PPAT: variants seen among roughly 807,000 people sequenced by gnomAD.
PPAT encodes the protein amidophosphoribosyltransferase.
Under a neutral mutation model 60.2 loss-of-function variants are expected in PPAT, and 20 were observed. The observed-to-expected ratio is 0.33, with a 90% CI of 0.23 to 0.48. PPAT has a LOEUF of 0.48. Ranked by LOEUF, PPAT falls within the 20% of genes least tolerant of loss-of-function variation. PPAT has a pLI of 0.99. For synonymous variants in PPAT, 194 were observed against 215.1 expected (o/e 0.90, Z 0.86); for missense variants, 349 against 629.6 (o/e 0.55, Z 4.77).
chr4:56,433,404 A>T (rs1013174475), intron 1 of PPAT, among the ~76,000 whole-genome samples: 81 of 149,570 alleles, frequency 5.4e-4, no homozygotes, highest in Non-Finnish European at 7.1e-4. Context: ...CATTAAAAAA[A>T]AAAAAAAAGA....
intron 5 of PPAT, among the ~76,000 whole-genome samples, chr4:56,402,486 A>C (rs1716136666): frequency 6.6e-6 from 1 of 152,164 alleles, no homozygotes; most frequent in African/African-American, 2.4e-5. Flanking sequence ...GCCAATTAAG[A>C]CAGGAAAAAA....
rs1369181667 is a variant in PPAT, at chr4:56,395,555, A to G, written c.1358-7T>C. On this transcript the variant is annotated splice_polypyrimidine_tract_variant and splice_region_variant and intron_variant, in intron 10 of 10. Transcript: ENST00000264220. ...TACACAACACTGTTTGCTCCTAAAG[A>G]AAGAGGGAAAAATAAAAATGTAATA... 6.6e-7 allele frequency: 1 copy of G among 1,507,656 alleles called. No homozygotes were observed. Among genetic ancestry groups the G allele is most frequent in the Non-Finnish European group, 8.8e-7 (1 of 1,134,382 alleles). 93.4% of individuals were successfully genotyped at this position (1,507,656 alleles called of 1,614,324 possible). A position where few individuals can be genotyped will look rare whatever the true frequency, so the allele number is the denominator to read the frequency against.
At chr4:56,403,488 G>C (rs1716171200) in intron 3 of PPAT, 87 bp from the exon 4 acceptor site, 1 of 585,980 alleles carries the variant, frequency 1.7e-6, no homozygotes, top group African/African-American at 2.0e-5. Context: ...TGAAAATAAG[G>C]CATTCTGTGG....
At chr4:56,401,284 A>G (rs1384802713) in intron 7 of PPAT, 46 bp downstream of exon 7, 1 of 1,496,506 alleles carries the variant, frequency 6.7e-7, no homozygotes, top group Non-Finnish European at 9.0e-7. Flanking sequence ...TCAAGGAGAT[A>G]GCTAAAACAT....
chr4:56,398,767 C>T (rs1159123309), intron 9 of PPAT, among the ~76,000 whole-genome samples: 1 of 151,942 alleles, frequency 6.6e-6, no homozygotes, highest in African/African-American at 2.4e-5. Context: ...TGTAGTTAGT[C>T]TTTGAATAAA....
chr4:56,399,081 T>C (rs1716052895), intron 9 of PPAT, 98 bp downstream of exon 9: 1 of 1,017,474 alleles, frequency 9.8e-7, no homozygotes, highest in African/African-American at 1.6e-5. Flanking sequence ...TAATTTATTA[T>C]ATTGAACATC....
In PPAT at chr4:56,393,686, A is replaced by G. The variant is rs1463487328; in HGVS notation, c.*1666T>C. ...CATCTCAGTAAAACAAAAACTACAGAAAACGCAAAGTAAAATCAGAGATTT... is the reference window on the plus strand; with the variant it reads ...CATCTCAGTAAAACAAAAACTACAGGAAACGCAAAGTAAAATCAGAGATTT... On this transcript the variant is annotated 3_prime_UTR_variant, in exon 11 of 11. Transcript: ENST00000264220. 6.6e-6 allele frequency: 1 copy of G among 152,668 alleles called. No individual in the cohort carries two copies. Among genetic ancestry groups the G allele is most frequent in the Non-Finnish European group, 1.5e-5 (1 of 68,044 alleles). The allele number at this position is 152,668 out of a possible 1,614,324, so 9.5% of individuals were successfully genotyped here. A position where few individuals can be genotyped will look rare whatever the true frequency, so the allele number is the denominator to read the frequency against.
Position 56,396,800 on chromosome 4 carries a change from A to C in PPAT, c.1237-61T>G. The stretch of plus-strand genomic sequence containing the variant: ...ACTATGCAAAATTCTTTCATTGTGC[A>C]AATACAATACAAAATTGTTTTGCAG... On this transcript the variant is annotated intron_variant, in intron 9 of 10. Coordinates refer to ENST00000264220, the MANE Select transcript of PPAT (RefSeq NM_002703.5). The surrounding 1 kb of genome is among the most constrained non-coding windows in gnomAD (Gnocchi z 4.6). 1 of 1,506,244 alleles carries C rather than the reference A, an allele frequency of 6.6e-7. No homozygotes were observed. Among genetic ancestry groups the C allele is most frequent in the Non-Finnish European group, 9.0e-7 (1 of 1,113,580 alleles). The allele number at this position is 1,506,244 out of a possible 1,614,324, so 93.3% of individuals were successfully genotyped here.
Position 56,406,633 on chromosome 4 carries a change from T to C in PPAT, c.264A>G (p.Gly88=), listed in dbSNP as rs1716248148. The change falls in exon 3 of 11, where the codon GGA becomes GGG. Residue 88 remains glycine (G), a synonymous_variant. Coordinates refer to ENST00000264220, the MANE Select transcript of PPAT (RefSeq NM_002703.5). ...NLKKLYVSNL[G]IGHTRYATTG... is the part of the protein sequence containing the mutation. ...TGGTGGCATACCTGGTGTGTCCAAT[T>C]CCAAGATTTGAAACATATAATTTTT... 6.2e-7 allele frequency: 1 copy of C among 1,613,070 alleles called. No homozygotes were observed. Among genetic ancestry groups the C allele is most frequent in the Non-Finnish European group, 8.5e-7 (1 of 1,179,074 alleles).
At chr4:56,408,434 CAAA>C (rs34049939) in intron 1 of PPAT, 9 of 100,512 alleles carry the variant, frequency 9.0e-5, no homozygotes, top group Non-Finnish European at 7.6e-5. Context: ...GACTCCGTCT[CAAA>C]AAAAAAAAAA....
chr4:56,427,654 A>G (rs1428279294), intron 1 of PPAT, among the ~76,000 whole-genome samples: 1 of 151,802 alleles, frequency 6.6e-6, no homozygotes, highest in East Asian at 1.9e-4. Context: ...AAAAAAAAAA[A>G]AAAAAATTCA....
intron 1 of PPAT, among the ~76,000 whole-genome samples, chr4:56,416,997 G>C (rs2110052675): frequency 6.6e-6 from 1 of 152,126 alleles, no homozygotes; most frequent in South Asian, 2.1e-4. Context: ...TTACAGGAGC[G>C]CACCATCACG....
intron 1 of PPAT, among the ~76,000 whole-genome samples, chr4:56,433,596 T>C (rs913858724): frequency 2.0e-5 from 3 of 151,818 alleles, no homozygotes; most frequent in African/African-American, 7.3e-5. Context: ...AAAGTAAATA[T>C]AGTGAAGTAC....
chr4:56,430,118 C>T (rs918376354), intron 1 of PPAT, among the ~76,000 whole-genome samples: 1 of 152,086 alleles, frequency 6.6e-6, no homozygotes, highest in Non-Finnish European at 1.5e-5. Flanking sequence ...AATAAATAAA[C>T]GTATATCCCA....
chr4:56,404,947 A>G (rs923378827), intron 3 of PPAT, among the ~76,000 whole-genome samples: 1 of 152,162 alleles, frequency 6.6e-6, no homozygotes, highest in African/African-American at 2.4e-5. Context: ...GTGTGCATGT[A>G]ACCATCTATT....
Position 56,407,751 on chromosome 4 carries a change from G to C in PPAT, c.129-35C>G, listed in dbSNP as rs77145429. On this transcript the variant is annotated intron_variant, in intron 1 of 10. Coordinates refer to ENST00000264220, the MANE Select transcript of PPAT (RefSeq NM_002703.5). Reference sequence around the variant, plus strand: ...TAAAAAGATATTAGCTGTTAAATCTGCCAATTGATTAGCTTCTTGAAGAAC... The same window carrying C: ...TAAAAAGATATTAGCTGTTAAATCTCCCAATTGATTAGCTTCTTGAAGAAC... The C allele has an allele frequency of 2.1e-3, 3,092 of 1,489,836 alleles. 62 individuals are homozygous for C. In the African/African-American group the frequency reaches 0.037, roughly 18 times the overall value. The allele number at this position is 1,489,836 out of a possible 1,614,324, so 92.3% of individuals were successfully genotyped here. A position where few individuals can be genotyped will look rare whatever the true frequency, so the allele number is the denominator to read the frequency against.
chr4:56,402,987 A>G lies in PPAT; in HGVS notation c.661+53T>C, dbSNP rs1578115441. 3 of 1,494,822 alleles carry G rather than the reference A, an allele frequency of 2.0e-6. No homozygotes were observed. The Admixed American group carries it at 6.2e-5, about 31-fold the overall frequency. The allele number at this position is 1,494,822 out of a possible 1,614,324, so 92.6% of individuals were successfully genotyped here. On this transcript the variant is annotated intron_variant, in intron 5 of 10. Coordinates refer to ENST00000264220, the MANE Select transcript of PPAT (RefSeq NM_002703.5). Reference sequence around the variant, plus strand: ...AAAGATTTCAGGGCTTGATAGCAGTAGGACAATAATGGAAAAACACTATGA... The same window carrying G: ...AAAGATTTCAGGGCTTGATAGCAGTGGGACAATAATGGAAAAACACTATGA...
chr4:56,424,383 C>T (rs372714320), intron 1 of PPAT, among the ~76,000 whole-genome samples: 7 of 152,076 alleles, frequency 4.6e-5, no homozygotes, highest in East Asian at 1.9e-4. Flanking sequence ...CACTGGAAAC[C>T]GTAGCTAGGT....
In PPAT at chr4:56,400,811, C is replaced by A; in HGVS notation, c.987G>T (p.Thr329=). 6.2e-7 allele frequency: 1 copy of A among 1,613,678 alleles called. No homozygotes were observed. Among genetic ancestry groups the A allele is most frequent in the Non-Finnish European group, 8.5e-7 (1 of 1,179,736 alleles). Residue 329 remains threonine (T), a synonymous_variant, in exon 8 of 11, where the codon ACG becomes ACT. Transcript: ENST00000264220. The part of the protein sequence containing the change: ...DLVSTVPESA[T]PAALAYAGKC... ...TTCCTGCGTAAGCAAGAGCAGCAGG[C>A]GTAGCAGATTCTGGAACAGTGCTAA...
Sources: gnomAD v4.1 joint callset for allele counts (sites outside exome capture counted in the v4.1 genomes callset) on GRCh38, gnomAD v4.1.1 for gene constraint, Gnocchi (gnomAD v3.1) non-coding constraint, MANE v1.5 for transcripts, NCBI Gene and HGNC (gene_info 2026-07-23, HGNC 2026-07-21) for gene names.